KATNA1: variants seen among roughly 807,000 people sequenced by gnomAD.
KATNA1 encodes katanin p60 ATPase-containing subunit A1.
Under a neutral mutation model 62.6 loss-of-function variants are expected in KATNA1, and 42 were observed. That is an observed-to-expected ratio of 0.67 (90% CI 0.52 to 0.87). The LOEUF is 0.87. Ranked by LOEUF, KATNA1 falls within the 40% of genes least tolerant of loss-of-function variation. The pLI, the probability that KATNA1 is intolerant of heterozygous loss-of-function variation, is 0.00. For synonymous variants in KATNA1, 186 were observed against 201.9 expected (o/e 0.92, Z 0.67); for missense variants, 498 against 612.5 (o/e 0.81, Z 1.97).
chr6:149,613,567 G>A (rs994875138), intron 4 of KATNA1, among the ~76,000 whole-genome samples: 5 of 152,128 alleles, frequency 3.3e-5, no homozygotes, highest in Non-Finnish European at 5.9e-5. Context: ...GGACAGGATC[G>A]TGGAAGACTG....
In KATNA1 at chr6:149,609,802, C is replaced by CAAAAAAA. The variant is rs1169018343; in HGVS notation, c.502-5027_502-5021dup. ...TGGGCGACAGAGCTAGACTCCATCTCAAAAAAAAAAAAAATAGGCCAGGTG... is the reference window on the plus strand; with the variant it reads ...TGGGCGACAGAGCTAGACTCCATCTCAAAAAAAAAAAAAAAAAAAAATAGGCCAGGTG... On this transcript the variant is annotated intron_variant, in intron 4 of 10. Coordinates refer to ENST00000367411, the MANE Select transcript of KATNA1 (RefSeq NM_007044.4). Among the ~76,000 whole-genome samples the CAAAAAAA allele has an allele frequency of 6.0e-4, 39 of 64,530 alleles. 1 individual carries two copies. Among genetic ancestry groups the CAAAAAAA allele is most frequent in the African/African-American group, 2.1e-3 (30 of 14,496 alleles). 42.3% of individuals were successfully genotyped at this position (64,530 alleles called of 152,430 possible).
chr6:149,646,094 T>C (rs1240850223), intron 1 of KATNA1, among the ~76,000 whole-genome samples: 1 of 152,158 alleles, frequency 6.6e-6, no homozygotes, highest in Non-Finnish European at 1.5e-5. Flanking sequence ...TTTTTTAACA[T>C]AATGTGCATG....
At chr6:149,612,490 C>T (rs1261226110) in intron 4 of KATNA1, among the ~76,000 whole-genome samples, 1 of 152,138 alleles carries the variant, frequency 6.6e-6, no homozygotes, top group Non-Finnish European at 1.5e-5. Context: ...GCCTGGGTGA[C>T]AGAGTGAGAC....
chr6:149,638,581 A>G (rs1410383736), intron 1 of KATNA1, 21 bp from the exon 2 acceptor site: 40 of 1,539,378 alleles, frequency 2.6e-5, no homozygotes, highest in Non-Finnish European at 3.1e-5. Context: ...GAAGAAAAAA[A>G]GAAACACTTT....
chr6:149,634,128 C>G (rs977130441), intron 2 of KATNA1, among the ~76,000 whole-genome samples: 1 of 151,768 alleles, frequency 6.6e-6, no homozygotes, highest in Admixed American at 6.6e-5. Flanking sequence ...CAAAAATTAG[C>G]TGGGTGTGGT....
At chr6:149,606,616 C>CTTT (rs900353338) in intron 4 of KATNA1, among the ~76,000 whole-genome samples, 18 of 136,422 alleles carry the variant, frequency 1.3e-4, no homozygotes, top group African/African-American at 4.6e-4. Flanking sequence ...AACTGTGTAA[C>CTTT]TTTTTTTTTT....
intron 4 of KATNA1, among the ~76,000 whole-genome samples, chr6:149,617,190 T>G (rs1779198576): frequency 6.6e-6 from 1 of 152,210 alleles, no homozygotes; most frequent in Non-Finnish European, 1.5e-5. Flanking sequence ...ATGGGTGTAG[T>G]GTTTCAGTTC....
chr6:149,603,157 T>C (rs1272370159), intron 6 of KATNA1, 111 bp downstream of exon 6: 3 of 556,692 alleles, frequency 5.4e-6, no homozygotes, highest in South Asian at 2.5e-5. Context: ...AATTTAAACA[T>C]TTCCTGACTC....
rs1780314048 is a variant in KATNA1, at chr6:149,642,104, T to C, written c.-13-3544A>G. Among the ~76,000 whole-genome samples the C allele has an allele frequency of 2.6e-5, 4 of 152,188 alleles. No individual in the cohort carries two copies. In the South Asian group the frequency reaches 8.3e-4, roughly 31 times the overall value. ...TTTTAGTAGAGATGGGATTTCACCA[T>C]GTTGGCCAGGATGGTCTCAATCTCT... is the stretch of plus-strand genomic sequence containing the variant. On this transcript the variant is annotated intron_variant, in intron 1 of 10. Transcript: ENST00000367411.
rs747031198 is a variant in KATNA1, at chr6:149,623,264, TTC to T, written c.338_339del (p.Arg113LysfsTer9). ...PVERRPSPGPRKRQSSQYSDP... is the reference protein window; with the variant it reads ...PVERRPSPGPXKRQSSQYSDP... ...TCACTGTACTGAGAAGATTGGCGTT[TTC>T]TAGGTCCTGGTGAGGGTCTAATCAA... On this transcript the variant is annotated frameshift_variant, in exon 4 of 11. Coordinates refer to ENST00000367411, the MANE Select transcript of KATNA1 (RefSeq NM_007044.4). LOFTEE classifies it high-confidence loss of function. 1 of 1,599,204 alleles carries T rather than the reference TTC, an allele frequency of 6.3e-7. No individual in the cohort carries two copies. Among genetic ancestry groups the T allele is most frequent in the Non-Finnish European group, 8.5e-7 (1 of 1,176,486 alleles).
At chr6:149,621,124 T>C (rs1211930950) in intron 4 of KATNA1, among the ~76,000 whole-genome samples, 3 of 133,300 alleles carry the variant, frequency 2.3e-5, no homozygotes, top group Non-Finnish European at 4.7e-5. Flanking sequence ...CTATGCCTTC[T>C]TTTTTTTTTT....
chr6:149,614,109 C>T (rs530890387), intron 4 of KATNA1, among the ~76,000 whole-genome samples: 1 of 152,166 alleles, frequency 6.6e-6, no homozygotes, highest in Non-Finnish European at 1.5e-5. Context: ...GATAGCAGCA[C>T]AAAATGGAAT....
chr6:149,644,986 T>C (rs1366852532), intron 1 of KATNA1, among the ~76,000 whole-genome samples: 1 of 152,198 alleles, frequency 6.6e-6, no homozygotes, highest in African/African-American at 2.4e-5. Context: ...CTTATTACTC[T>C]CTAAGCCCAA....
At chr6:149,615,556 A>G (rs1238201744) in intron 4 of KATNA1, among the ~76,000 whole-genome samples, 1 of 152,140 alleles carries the variant, frequency 6.6e-6, no homozygotes, top group Non-Finnish European at 1.5e-5. Context: ...AGACTGAAAT[A>G]ACAGAAGTCC....
chr6:149,641,954 G>A (rs1179731545), intron 1 of KATNA1, among the ~76,000 whole-genome samples: 1 of 152,180 alleles, frequency 6.6e-6, no homozygotes, highest in Non-Finnish European at 1.5e-5. Context: ...CCAGGCTGGA[G>A]TGCAGTGGTG....
At position 149,632,869 on chromosome 6, in the gene KATNA1, CATG is replaced by C. The variant is rs1281468864; in HGVS notation, c.207_209del (p.Ile69del). 1 of 1,612,556 alleles carries C rather than the reference CATG, an allele frequency of 6.2e-7. No homozygotes were observed. Among genetic ancestry groups the C allele is most frequent in the Non-Finnish European group, 8.5e-7 (1 of 1,179,566 alleles). ...CCAGTTTAAAGCTCTCTAGTGTTTTCATGATATCTTTAACATGTTTAGCTTCCA... is the reference window on the plus strand; with the variant it reads ...CCAGTTTAAAGCTCTCTAGTGTTTTCATATCTTTAACATGTTTAGCTTCCA... On this transcript the variant is annotated inframe_deletion, in exon 3 of 11. Transcript: ENST00000367411.
intron 4 of KATNA1, among the ~76,000 whole-genome samples, chr6:149,609,380 AAG>A (rs1562284608): frequency 6.6e-6 from 1 of 152,300 alleles, no homozygotes; most frequent in South Asian, 2.1e-4. Context: ...GAAAAAAAAA[AAG>A]TATTTTTTCA....
intron 4 of KATNA1, among the ~76,000 whole-genome samples, chr6:149,615,322 G>A (rs1337783313): frequency 4.0e-5 from 6 of 150,366 alleles, no homozygotes; most frequent in Non-Finnish European, 8.9e-5. Context: ...CTCATGCCTC[G>A]GCCTCCTGAG....
intron 4 of KATNA1, among the ~76,000 whole-genome samples, chr6:149,620,129 T>C (rs1028909929): frequency 6.6e-6 from 1 of 152,092 alleles, no homozygotes; most frequent in African/African-American, 2.4e-5. Flanking sequence ...ATGACGAAGC[T>C]AAAAAAGTTG....
Sources: gnomAD v4.1 joint callset for allele counts (sites outside exome capture counted in the v4.1 genomes callset) on GRCh38, gnomAD v4.1.1 for gene constraint, MANE v1.5 for transcripts, NCBI Gene and HGNC (gene_info 2026-07-23, HGNC 2026-07-21) for gene names.